SGSM2: variants seen among roughly 807,000 people sequenced by gnomAD.
SGSM2 encodes the protein small G protein signaling modulator 2, also known as RUN and TBC1 domain containing 1.
In SGSM2, 89 loss-of-function variants were observed where a neutral mutation model predicts 126.6. The observed-to-expected ratio is 0.70, with a 90% CI of 0.59 to 0.84. The LOEUF is 0.84. Among genes scored for constraint, SGSM2 ranks in the 40% least tolerant of loss-of-function variants. SGSM2 has a pLI of 0.00. For synonymous variants in SGSM2, 614 were observed against 574.3 expected (o/e 1.07, Z -0.99); for missense variants, 1,404 against 1,416.6 (o/e 0.99, Z 0.14).
chr17:2,365,538 G>C (rs1194848515), intron 11 of SGSM2, among the ~76,000 whole-genome samples, 197 bp downstream of exon 11: 2 of 152,106 alleles, frequency 1.3e-5, no homozygotes, highest in East Asian at 3.9e-4. Flanking sequence ...CTTCTACCCA[G>C]CTCCCTTCCC....
chr17:2,345,972 G>A (rs1004227457), intron 2 of SGSM2, among the ~76,000 whole-genome samples: 4 of 152,098 alleles, frequency 2.6e-5, no homozygotes, highest in East Asian at 1.9e-4. Context: ...AGACTCTTGC[G>A]GGGGACGGGG....
At position 2,367,340 on chromosome 17, in the gene SGSM2, A is replaced by G. The variant is rs1454245761; in HGVS notation, c.1358A>G (p.Asp453Gly). The G allele has an allele frequency of 5.0e-6, 8 of 1,614,158 alleles. 1 individual carries two copies. In the Admixed American group the frequency reaches 1.3e-4, roughly 27 times the overall value. ...GTGGACGATGATGAGGAAGAGGAGG[A>G]TAAACTGCACGCGATGCTCTCAATG... is the stretch of plus-strand genomic sequence containing the variant. ...ASVDDDEEEE[D>G]KLHAMLSMIC... Residue 453 changes from aspartate (D) to glycine (G), a missense_variant, in exon 12 of 24, where the codon GAT becomes GGT. Physicochemically the swap from Asp to Gly is moderately conservative, Grantham distance 94 (BLOSUM62 -1). Transcript: ENST00000268989. The surrounding 1 kb of genome is among the most constrained non-coding windows in gnomAD (Gnocchi z 4.0).
rs2064727144 is a variant in SGSM2, at chr17:2,348,997, CAA to C, written c.133+5378_133+5379del. On this transcript the variant is annotated intron_variant, in intron 2 of 23. Coordinates refer to ENST00000268989, the MANE Select transcript of SGSM2 (RefSeq NM_014853.3). ...CAGGCTGGTCTCAAACTCCTGACCTCAAGTGATCTACCCGCCTCGGCCTCCCA... is the reference window on the plus strand; with the variant it reads ...CAGGCTGGTCTCAAACTCCTGACCTCGTGATCTACCCGCCTCGGCCTCCCA... Among the ~76,000 whole-genome samples, 3 of 151,834 alleles carry C rather than the reference CAA, an allele frequency of 2.0e-5. No homozygotes were observed. In the South Asian group the frequency reaches 6.2e-4, roughly 32 times the overall value.
In SGSM2 at chr17:2,372,523, G is replaced by A. The variant is rs1257418251; in HGVS notation, c.1788+35G>A. The A allele has an allele frequency of 6.3e-7, 1 of 1,588,800 alleles. No homozygotes were observed. Among genetic ancestry groups the A allele is most frequent in the African/African-American group, 1.4e-5 (1 of 73,914 alleles). ...CTGGGGTTCCAGGGCCACAGGTCGA[G>A]GGGCTGGGGCGGGCAGGAGTGAGGG... On this transcript the variant is annotated intron_variant, in intron 15 of 23. Coordinates refer to ENST00000268989, the MANE Select transcript of SGSM2 (RefSeq NM_014853.3). This position sits in a 1 kb window ranked among gnomAD's most constrained non-coding sequence, Gnocchi z 6.0.
intron 2 of SGSM2, among the ~76,000 whole-genome samples, chr17:2,350,502 G>A (rs1230807629): frequency 6.6e-6 from 1 of 151,736 alleles, no homozygotes; most frequent in East Asian, 2.0e-4. Context: ...TCCAACTGCT[G>A]GGGAGGCTGA....
At chr17:2,339,755 G>T (rs1567793968) in intron 1 of SGSM2, among the ~76,000 whole-genome samples, 1 of 150,914 alleles carries the variant, frequency 6.6e-6, no homozygotes, top group Admixed American at 6.6e-5. Flanking sequence ...TGGTTCTCAT[G>T]CGTTAGCCAT....
intron 22 of SGSM2, among the ~76,000 whole-genome samples, chr17:2,378,789 A>C (rs1252727848): frequency 6.6e-6 from 1 of 152,182 alleles, no homozygotes; most frequent in South Asian, 2.1e-4. Flanking sequence ...CGGGGTACAG[A>C]ACCCCCATTC....
chr17:2,375,527 G>A lies in SGSM2; in HGVS notation c.2136G>A (p.Glu712=). ...FISVDDLEPP[E]PQDPEDSRPK... is the part of the protein sequence containing the mutation. ...CAGTGGATGATCTGGAACCCCCGGA[G>A]CCCCAGGACCCTGAAGATTCCAGAC... is the stretch of plus-strand genomic sequence containing the variant. The change falls in exon 18 of 24, where the codon GAG becomes GAA. Residue 712 remains glutamate (E), a synonymous_variant. Transcript: ENST00000268989. 6.2e-7 allele frequency: 1 copy of A among 1,612,842 alleles called. No individual in the cohort carries two copies. The highest frequency in any genetic ancestry group is 8.5e-7 in the Non-Finnish European group (1 of 1,179,500).
At position 2,379,588 on chromosome 17, in the gene SGSM2, C is replaced by T. The variant is rs999913452; in HGVS notation, c.*68C>T. The T allele has an allele frequency of 1.6e-5, 25 of 1,562,276 alleles. No homozygotes were observed. Among genetic ancestry groups the T allele is most frequent in the Middle Eastern group, 2.2e-4 (1 of 4,614 alleles). On this transcript the variant is annotated 3_prime_UTR_variant, in exon 24 of 24. Transcript: ENST00000268989. The stretch of plus-strand genomic sequence containing the variant: ...GCAGGGAGAGGTGCAGGGGAGTCAC[C>T]GCCCAGACCTCCCCAGCCACCAACC...
At chr17:2,364,865 G>A in intron 9 of SGSM2, 32 bp from the exon 10 acceptor site, 7 of 1,599,640 alleles carry the variant, frequency 4.4e-6, no homozygotes, top group Non-Finnish European at 6.0e-6. Flanking sequence ...CGACGAGAGG[G>A]CCTCAGCCGC....
intron 2 of SGSM2, among the ~76,000 whole-genome samples, chr17:2,355,042 G>A (rs866832859): frequency 4.6e-5 from 4 of 87,808 alleles, no homozygotes; most frequent in African/African-American, 1.8e-4. Flanking sequence ...AAGGGTTGGG[G>A]AAGGGACCCC....
At chr17:2,342,198 C>T (rs1031289253) in intron 1 of SGSM2, among the ~76,000 whole-genome samples, 3 of 151,090 alleles carry the variant, frequency 2.0e-5, no homozygotes, top group African/African-American at 7.3e-5. Flanking sequence ...GGGTGGATCA[C>T]CGAGGTCAGG....
At position 2,352,778 on chromosome 17, in the gene SGSM2, T is replaced by C. The variant is rs1017141048; in HGVS notation, c.134-8859T>C. Reference sequence around the variant, plus strand: ...CACTGCTGCATTTTCTTTTTTTTTTTTTTTTTTTTTTTTTTTTGAGACGGA... The same window carrying C: ...CACTGCTGCATTTTCTTTTTTTTTTCTTTTTTTTTTTTTTTTTGAGACGGA... On this transcript the variant is annotated intron_variant, in intron 2 of 23. Transcript: ENST00000268989. Among the ~76,000 whole-genome samples the C allele has an allele frequency of 1.2e-3, 138 of 115,554 alleles. 2 individuals carry two copies. The highest frequency in any genetic ancestry group is 5.6e-3 in the African/African-American group (127 of 22,618). 75.8% of individuals were successfully genotyped at this position (115,554 alleles called of 152,430 possible).
At chr17:2,347,013 C>T (rs538650176) in intron 2 of SGSM2, among the ~76,000 whole-genome samples, 63 of 152,222 alleles carry the variant, frequency 4.1e-4, no homozygotes, top group African/African-American at 1.3e-3. Context: ...CACTTGAGCC[C>T]GGGAGGTTGA....
At position 2,339,311 on chromosome 17, in the gene SGSM2, C is replaced by A. The variant is rs575784521; in HGVS notation, c.57+1566C>A. 7.9e-5 allele frequency among the ~76,000 whole-genome samples: 12 copies of A among 152,074 alleles called. No homozygotes were observed. In the East Asian group the frequency reaches 2.3e-3, roughly 30 times the overall value. On this transcript the variant is annotated intron_variant, in intron 1 of 23. Transcript: ENST00000268989. ...ATTAGCCAGGCACAGTGGTGGGCAC[C>A]TGTAATCCCAGCTACTCGGGAGGCT...
At chr17:2,352,767 CT>C (rs71150860) in intron 2 of SGSM2, among the ~76,000 whole-genome samples, 19,087 of 85,844 alleles carry the variant, frequency 0.22, 2,380 homozygotes, top group East Asian at 0.51. Flanking sequence ...GCTGCATTTT[CT>C]TTTTTTTTTT....
chr17:2,357,987 G>T (rs1049780119), intron 2 of SGSM2, among the ~76,000 whole-genome samples: 1 of 152,212 alleles, frequency 6.6e-6, no homozygotes, highest in African/African-American at 2.4e-5. Context: ...ACTGGATCAG[G>T]GGTCCTGAAG....
At chr17:2,374,893 G>C (rs995822815) in intron 17 of SGSM2, among the ~76,000 whole-genome samples, 1 of 152,280 alleles carries the variant, frequency 6.6e-6, no homozygotes, top group African/African-American at 2.4e-5. Flanking sequence ...GTCTCTGTAT[G>C]TGTCTCTTCT....
chr17:2,338,115 G>A (rs554057527), intron 1 of SGSM2, among the ~76,000 whole-genome samples: 14 of 152,092 alleles, frequency 9.2e-5, no homozygotes, highest in Non-Finnish European at 1.6e-4. Context: ...CCCCGCGCGA[G>A]CTCCCGCGGC....
Sources: gnomAD v4.1 joint callset for allele counts (sites outside exome capture counted in the v4.1 genomes callset) on GRCh38, gnomAD v4.1.1 for gene constraint, Gnocchi (gnomAD v3.1) non-coding constraint, MANE v1.5 for transcripts, NCBI Gene and HGNC (gene_info 2026-07-23, HGNC 2026-07-21) for gene names.